The following NCOR2 variants were observed in gnomAD, a reference collection of about 807,000 sequenced individuals.
NCOR2 encodes the protein CTG repeat protein 26.
NCOR2 carries 81 observed loss-of-function variants against 262.9 expected under a neutral mutation model. The observed-to-expected ratio is 0.31, with a 90% CI of 0.26 to 0.37. The LOEUF is 0.37. Ranked by LOEUF, NCOR2 falls within the 10% of genes least tolerant of loss-of-function variation. NCOR2 has a pLI of 1.00. For synonymous variants in NCOR2, 1,659 were observed against 1,559.3 expected, an observed-to-expected ratio of 1.06 and a Z score of -1.51; for missense variants, 3,385 against 3,621.4, an observed-to-expected ratio of 0.93 and a Z score of 1.68.
intron 1 of NCOR2, among the ~76,000 whole-genome samples, chr12:124,490,631 C>CA (rs2048034661): frequency 1.3e-5 from 2 of 152,168 alleles, no homozygotes; most frequent in African/African-American, 4.8e-5. Context: ...GAGAGACCCC[C>CA]CCCAGGGCAC....
chr12:124,332,213 C>A, intron 43 of NCOR2, 106 bp downstream of exon 45: 2 of 1,425,726 alleles, frequency 1.4e-6, no homozygotes, highest in Non-Finnish European at 1.9e-6. Context: ...ACTTAGCTTT[C>A]GAAGGTGCAC....
At chr12:124,506,246 A>G (rs944496869) in intron 1 of NCOR2, among the ~76,000 whole-genome samples, 1 of 152,218 alleles carries the variant, frequency 6.6e-6, no homozygotes, top group Admixed American at 6.5e-5. Context: ...TGACTTGCCC[A>G]AGGCCACACA....
chr12:124,385,367 C>T (rs747706052), intron 17 of NCOR2, among the ~76,000 whole-genome samples: 3 of 152,166 alleles, frequency 2.0e-5, no homozygotes, highest in East Asian at 1.9e-4. Context: ...CATTTGCCTC[C>T]GGGTCCTCAT....
intron 13 of NCOR2, among the ~76,000 whole-genome samples, chr12:124,407,666 G>A (rs942354249): frequency 6.6e-6 from 1 of 152,250 alleles, no homozygotes; most frequent in African/African-American, 2.4e-5. Context: ...CCACGTAGGG[G>A]TTGATGAGAT....
intron 16 of NCOR2, among the ~76,000 whole-genome samples, chr12:124,387,291 G>A (rs1318677106): frequency 1.6e-5 from 2 of 123,600 alleles, no homozygotes; most frequent in African/African-American, 3.2e-5. Context: ...AGGCTCTAAT[G>A]CAAATAAAAC....
At chr12:124,359,879 G>A (rs1258298356) in intron 22 of NCOR2, among the ~76,000 whole-genome samples, 1 of 152,246 alleles carries the variant, frequency 6.6e-6, no homozygotes, top group Admixed American at 6.5e-5. Flanking sequence ...GTAGCGCTGG[G>A]TGTCAAGTTC....
At position 124,406,406 on chromosome 12, in the gene NCOR2, G is replaced by A. The variant is rs528772208; in HGVS notation, c.1483-3845C>T. On this transcript the variant is annotated intron_variant, in intron 13 of 46. Coordinates refer to ENST00000405201, the Ensembl canonical transcript of NCOR2. ...ACTCTGCATTTCTAACCTGCGCCAG[G>A]AGAAGCTGCCACGGCTGGCCTCAGA... Among the ~76,000 whole-genome samples, 487 of 152,320 alleles carry A rather than the reference G, an allele frequency of 3.2e-3. 1 individual carries two copies. The highest frequency in any genetic ancestry group is 5.5e-3 in the Non-Finnish European group (376 of 68,034).
At chr12:124,476,966 A>C (rs1035449460) in intron 3 of NCOR2, among the ~76,000 whole-genome samples, 5 of 152,006 alleles carry the variant, frequency 3.3e-5, no homozygotes, top group Non-Finnish European at 5.9e-5. Flanking sequence ...AACCCCGAGA[A>C]TATGATGCTG....
At chr12:124,348,762 CAG>C (rs2037162896) in intron 28 of NCOR2, 1 of 179,602 alleles carries the variant, frequency 5.6e-6, no homozygotes, top group Non-Finnish European at 1.2e-5. Context: ...ACATCAGCAG[CAG>C]AGTGTGGATG....
intron 44 of NCOR2, among the ~76,000 whole-genome samples, chr12:124,330,305 A>AC (rs1440139988): frequency 6.6e-6 from 1 of 152,222 alleles, no homozygotes; most frequent in African/African-American, 2.4e-5. Flanking sequence ...ACCTCAAGGG[A>AC]CCCCTAAGTC....
intron 1 of NCOR2, among the ~76,000 whole-genome samples, chr12:124,516,042 A>G (rs2049746857): frequency 6.6e-6 from 1 of 152,186 alleles, no homozygotes; most frequent in Non-Finnish European, 1.5e-5. Context: ...TGGGGGTGAC[A>G]AGGGGACATG....
At chr12:124,461,911 A>G (rs1401096607) in intron 5 of NCOR2, among the ~76,000 whole-genome samples, 5 of 152,234 alleles carry the variant, frequency 3.3e-5, no homozygotes, top group African/African-American at 9.6e-5. Flanking sequence ...GTAAGTGCAC[A>G]GATAACCACA....
intron 1 of NCOR2, among the ~76,000 whole-genome samples, chr12:124,510,176 G>C (rs950459717): frequency 1.3e-5 from 2 of 152,152 alleles, no homozygotes; most frequent in African/African-American, 4.8e-5. Context: ...CCTCAATCTG[G>C]AGCAGGTGGC....
At chr12:124,510,384 G>A (rs572512941) in intron 1 of NCOR2, among the ~76,000 whole-genome samples, 179 of 152,344 alleles carry the variant, frequency 1.2e-3, no homozygotes, top group African/African-American at 4.0e-3. Context: ...GAGCAGCCAC[G>A]GGAGGGAACA....
chr12:124,420,134 G>C (rs1274239165), intron 12 of NCOR2, 79 bp from the exon 15 acceptor site: 1 of 1,197,810 alleles, frequency 8.3e-7, no homozygotes, highest in Non-Finnish European at 1.2e-6. Flanking sequence ...CACATCCTGG[G>C]CTCATATCCT....
intron 1 of NCOR2, among the ~76,000 whole-genome samples, chr12:124,512,146 A>G (rs2049428050): frequency 6.6e-6 from 1 of 152,168 alleles, no homozygotes; most frequent in African/African-American, 2.4e-5. Flanking sequence ...TCCTGGGCTC[A>G]AGTGATGCGC....
intron 1 of NCOR2, among the ~76,000 whole-genome samples, chr12:124,560,549 C>T (rs368356707): frequency 2.1e-4 from 32 of 152,364 alleles, no homozygotes; most frequent in African/African-American, 7.2e-4. Flanking sequence ...GTTCCACAAT[C>T]GGCTCCGAAA....
At chr12:124,448,799 G>A (rs1211566918) in intron 7 of NCOR2, among the ~76,000 whole-genome samples, 6 of 152,112 alleles carry the variant, frequency 3.9e-5, no homozygotes, top group African/African-American at 9.7e-5. Flanking sequence ...GCTCACCACC[G>A]CATATACACT....
rs533435406 is a variant in NCOR2, at chr12:124,563,779, T to C, written c.-165+3529A>G. On this transcript the variant is annotated intron_variant, in intron 1 of 32. Transcript: ENST00000458234. ...CTCCCCAAACCCTGGGGAGAACGAG[T>C]TCTCAGTCTCCTGCCCCACCTGGGG... 6.6e-5 allele frequency among the ~76,000 whole-genome samples: 10 copies of C among 152,312 alleles called. 1 individual carries two copies. In the South Asian group the frequency reaches 1.9e-3, roughly 28 times the overall value.
Sources: allele counts gnomAD v4.1 joint callset (sites outside exome capture counted in the v4.1 genomes callset), GRCh38; gene constraint gnomAD v4.1.1; transcripts MANE v1.5; gene names NCBI Gene and HGNC (gene_info 2026-07-23, HGNC 2026-07-21).